The following ETNK1 variants were observed in gnomAD, a reference collection of about 807,000 sequenced individuals.
ETNK1 encodes the protein putative protein product of Nbla10396.
Under a neutral mutation model 45.1 loss-of-function variants are expected in ETNK1, and 8 were observed. That is an observed-to-expected ratio of 0.18 (90% confidence interval 0.10 to 0.32). ETNK1 has a LOEUF of 0.32. ETNK1 is among the 10% of genes least tolerant of loss of function. The probability of loss-of-function intolerance (pLI) is 1.00; values close to 1 mark genes in which losing one functional copy is unlikely to be tolerated. For synonymous variants in ETNK1, 152 were observed against 151.9 expected (o/e 1.00, Z -0.01); for missense variants, 302 against 430.6 (o/e 0.70, Z 2.64).
Position 22,643,720 on chromosome 12 carries a change from GA to G in ETNK1, c.157-42del, listed in dbSNP as rs777677796. On this transcript the variant is annotated intron_variant, in intron 1 of 7. Coordinates refer to ENST00000266517, the MANE Select transcript of ETNK1 (RefSeq NM_018638.5). Reference sequence around the variant, plus strand: ...ATTTATCTCCTGTTCTCTAAAGATAGATAATTGCTTTTTTTCCCATTTTTAA... The same window carrying G: ...ATTTATCTCCTGTTCTCTAAAGATAGTAATTGCTTTTTTTCCCATTTTTAA... 13 of 1,533,520 alleles carry G rather than the reference GA, an allele frequency of 8.5e-6. No individual in the cohort carries two copies. In the South Asian group the frequency reaches 1.6e-4, roughly 19 times the overall value. The allele number at this position is 1,533,520 out of a possible 1,614,324, so 95.0% of individuals were successfully genotyped here.
At position 22,675,024 on chromosome 12, in the gene ETNK1, A is replaced by G. The variant is rs1307365187; in HGVS notation, c.945+1364A>G. On this transcript the variant is annotated intron_variant, in intron 6 of 7. Coordinates refer to ENST00000266517, the MANE Select transcript of ETNK1 (RefSeq NM_018638.5). The stretch of plus-strand genomic sequence containing the variant: ...GTACAGAATAACTCTTTTGGTGGTA[A>G]AAGTTAACACTCATTTCTTTTGAAA... 4.6e-5 allele frequency among the ~76,000 whole-genome samples: 7 copies of G among 152,316 alleles called. No homozygotes were observed. In the East Asian group the frequency reaches 1.3e-3, roughly 29 times the overall value.
At position 22,685,534 on chromosome 12, in the gene ETNK1, C is replaced by T. The variant is rs925843038; in HGVS notation, c.*580C>T. 2 of 151,718 alleles carry T rather than the reference C, an allele frequency of 1.3e-5. No homozygotes were observed. Among genetic ancestry groups the T allele is most frequent in the African/African-American group, 2.4e-5 (1 of 41,358 alleles). 9.4% of individuals were successfully genotyped at this position (151,718 alleles called of 1,614,324 possible). On this transcript the variant is annotated 3_prime_UTR_variant, in exon 8 of 8. Transcript: ENST00000266517. ...ACATTCACTGTCTCTGTTGGTGGTA[C>T]ATCTTGTTGAATTCAATATTAGAAA...
In ETNK1 at chr12:22,686,851, A is replaced by ATTTTTTTT. The variant is rs3983448; in HGVS notation, c.*1918_*1925dup. The ATTTTTTTT allele has an allele frequency of 2.2e-3, 155 of 69,288 alleles. 4 individuals are homozygous for ATTTTTTTT. The highest frequency in any genetic ancestry group is 2.9e-3 in the Non-Finnish European group (103 of 36,084). The allele number at this position is 69,288 out of a possible 1,614,324, so 4.3% of individuals were successfully genotyped here. On this transcript the variant is annotated 3_prime_UTR_variant, in exon 8 of 8. Coordinates refer to ENST00000266517, the MANE Select transcript of ETNK1 (RefSeq NM_018638.5). ...AGATAAAGAATGTGTAATACTCTTA[A>ATTTTTTTT]TTTTTTTTTTTTTTTTTTTTTTTTT...
intron 2 of ETNK1, among the ~76,000 whole-genome samples, chr12:22,654,112 A>C (rs199788636): frequency 1.3e-5 from 2 of 152,244 alleles, no homozygotes; most frequent in East Asian, 3.8e-4. Context: ...AAAGAGGCCC[A>C]AAGAAATTTA....
chr12:22,644,559 CT>C (rs1953782234), intron 2 of ETNK1: 1 of 288,560 alleles, frequency 3.5e-6, no homozygotes, highest in Non-Finnish European at 5.8e-6. Context: ...AGAAAATGGT[CT>C]GGATTTGAAA....
At chr12:22,674,027 A>G (rs968810235) in intron 6 of ETNK1, among the ~76,000 whole-genome samples, 6 of 152,282 alleles carry the variant, frequency 3.9e-5, no homozygotes, top group African/African-American at 1.4e-4. Context: ...CTTTTCCACA[A>G]CACATTTTAT....
chr12:22,659,378 G>A (rs1466786713), intron 3 of ETNK1, among the ~76,000 whole-genome samples: 4 of 152,088 alleles, frequency 2.6e-5, no homozygotes. Context: ...CAACAGCAAG[G>A]GGCAGAGGTG....
chr12:22,636,002 T>C (rs772791285), intron 1 of ETNK1, among the ~76,000 whole-genome samples: 5 of 151,986 alleles, frequency 3.3e-5, no homozygotes, highest in Non-Finnish European at 2.9e-5. Flanking sequence ...ACCCTGTCTC[T>C]ACAAAAAAAA....
At chr12:22,660,883 C>T (rs1260672261) in intron 3 of ETNK1, among the ~76,000 whole-genome samples, 180 bp from the exon 4 acceptor site, 2 of 152,020 alleles carry the variant, frequency 1.3e-5, no homozygotes, top group Non-Finnish European at 2.9e-5. Context: ...CTATTCATGT[C>T]TAAACTTACT....
intron 1 of ETNK1, among the ~76,000 whole-genome samples, chr12:22,632,610 C>T (rs1031496058): frequency 6.6e-6 from 1 of 151,838 alleles, no homozygotes; most frequent in Non-Finnish European, 1.5e-5. Context: ...CCTGAGCTCA[C>T]GCGATCCCTT....
chr12:22,684,351 C>T (rs1035948574), intron 6 of ETNK1, 132 bp from the exon 7 acceptor site: 15 of 637,124 alleles, frequency 2.4e-5, no homozygotes, highest in African/African-American at 1.3e-4. Context: ...AGGTTTTAGA[C>T]GCTTTATATA....
intron 6 of ETNK1, among the ~76,000 whole-genome samples, chr12:22,677,860 T>C (rs1248878198): frequency 6.6e-6 from 1 of 152,140 alleles, no homozygotes; most frequent in African/African-American, 2.4e-5. Context: ...AATTGATTTT[T>C]TTTTCCTGAG....
At chr12:22,636,608 A>T (rs576510820) in intron 1 of ETNK1, among the ~76,000 whole-genome samples, 1 of 152,306 alleles carries the variant, frequency 6.6e-6, no homozygotes, top group Non-Finnish European at 1.5e-5. Flanking sequence ...CAGCATATAG[A>T]GTTGTCCTTT....
intron 6 of ETNK1, among the ~76,000 whole-genome samples, chr12:22,683,417 C>T (rs1392857132): frequency 6.6e-6 from 1 of 152,020 alleles, no homozygotes; most frequent in African/African-American, 2.4e-5. Context: ...AAGCCAAAAA[C>T]AAAGTGCAGA....
At chr12:22,634,973 C>G (rs1953635821) in intron 1 of ETNK1, among the ~76,000 whole-genome samples, 1 of 152,128 alleles carries the variant, frequency 6.6e-6, no homozygotes, top group South Asian at 2.1e-4. Context: ...GCTTCTTGAG[C>G]TGGAAGCACT....
chr12:22,654,955 C>T (rs1953919777), intron 2 of ETNK1, among the ~76,000 whole-genome samples: 1 of 152,158 alleles, frequency 6.6e-6, no homozygotes, highest in African/African-American at 2.4e-5. Flanking sequence ...TTCAATCTTT[C>T]TATTGTAACT....
chr12:22,671,167 G>A (rs1003011034), intron 4 of ETNK1, 105 bp from the exon 5 acceptor site: 50 of 834,802 alleles, frequency 6.0e-5, no homozygotes, highest in African/African-American at 2.0e-4. Context: ...AATCAAGCAC[G>A]TACAATGAGA....
intron 1 of ETNK1, among the ~76,000 whole-genome samples, chr12:22,639,637 A>C (rs944916949): frequency 6.6e-6 from 1 of 151,928 alleles, no homozygotes; most frequent in African/African-American, 2.4e-5. Flanking sequence ...AGATCGTGCC[A>C]CTTCACTCCA....
intron 3 of ETNK1, among the ~76,000 whole-genome samples, chr12:22,660,763 A>G (rs1270149421): frequency 6.6e-6 from 1 of 152,140 alleles, no homozygotes; most frequent in African/African-American, 2.4e-5. Flanking sequence ...AATTACTTAG[A>G]ATAGTACTTA....
Sources: gnomAD v4.1 joint callset for allele counts (sites outside exome capture counted in the v4.1 genomes callset) on GRCh38, gnomAD v4.1.1 for gene constraint, MANE v1.5 for transcripts, NCBI Gene and HGNC (gene_info 2026-07-23, HGNC 2026-07-21) for gene names.